The following ASAH2 variants were observed in gnomAD, a reference collection of about 807,000 sequenced individuals.
The protein encoded by ASAH2 is neutral ceramidase.
Under a neutral mutation model 82.9 loss-of-function variants are expected in ASAH2, and 58 were observed. That is an observed-to-expected ratio of 0.70 (90% CI 0.57 to 0.87). The LOEUF (loss-of-function observed/expected upper bound fraction) is 0.87, where lower values mean the gene tolerates loss of function less well. Ranked by LOEUF, ASAH2 falls within the 40% of genes least tolerant of loss-of-function variation. ASAH2 has a pLI of 0.00. For synonymous variants in ASAH2, 276 were observed against 289.7 expected (o/e 0.95, Z 0.48); for missense variants, 779 against 834.0 (o/e 0.93, Z 0.81).
chr10:50,210,594 C>G (rs1845426281), intron 12 of ASAH2, among the ~76,000 whole-genome samples: 9 of 152,034 alleles, frequency 5.9e-5, no homozygotes. Context: ...TTATATGATT[C>G]CATTTGTATT....
chr10:50,247,318 C>G lies in ASAH2; in HGVS notation c.127+1166G>C, dbSNP rs1423857229. 2.4e-5 allele frequency among the ~76,000 whole-genome samples: 2 copies of G among 84,200 alleles called. 1 individual carries two copies. The highest frequency in any genetic ancestry group is 7.6e-4 in the South Asian group (2 of 2,620). The allele number at this position is 84,200 out of a possible 152,430, so 55.2% of individuals were successfully genotyped here. A position where few individuals can be genotyped will look rare whatever the true frequency, so the allele number is the denominator to read the frequency against. ...GATTACAGGCGTGCACCACCACAAA[C>G]AGCTATTTTTTTTTTTTTTAATTTT... On this transcript the variant is annotated intron_variant, in intron 2 of 20. Coordinates refer to ENST00000682911, the MANE Select transcript of ASAH2 (RefSeq NM_019893.4).
At chr10:50,221,677 T>C (rs1461825163) in intron 7 of ASAH2, among the ~76,000 whole-genome samples, 9 of 122,234 alleles carry the variant, frequency 7.4e-5, no homozygotes, top group African/African-American at 2.7e-4. Flanking sequence ...AGATAGATGA[T>C]AGATAGATAG....
chr10:50,220,751 A>G (rs1250731005), intron 7 of ASAH2, among the ~76,000 whole-genome samples: 1 of 151,136 alleles, frequency 6.6e-6, no homozygotes, highest in Non-Finnish European at 1.5e-5. Context: ...CCAACCCGCA[A>G]ATGTACTCCT....
At chr10:50,238,899 G>A (rs1057330261) in intron 4 of ASAH2, among the ~76,000 whole-genome samples, 3 of 152,092 alleles carry the variant, frequency 2.0e-5, no homozygotes, top group African/African-American at 7.2e-5. Flanking sequence ...CCAGACATAT[G>A]GGACTTCTAG....
At chr10:50,198,075 A>G (rs1845035235) in intron 17 of ASAH2, among the ~76,000 whole-genome samples, 1 of 152,084 alleles carries the variant, frequency 6.6e-6, no homozygotes, top group Non-Finnish European at 1.5e-5. Flanking sequence ...ACACACAATC[A>G]GTAACTAATA....
At chr10:50,226,596 G>T (rs1845890766) in intron 7 of ASAH2, among the ~76,000 whole-genome samples, 1 of 152,108 alleles carries the variant, frequency 6.6e-6, no homozygotes, top group African/African-American at 2.4e-5. Flanking sequence ...GTACTACTCT[G>T]GTTGGGGATA....
At chr10:50,204,233 C>T (rs1314676549) in intron 14 of ASAH2, among the ~76,000 whole-genome samples, 1 of 151,620 alleles carries the variant, frequency 6.6e-6, no homozygotes, top group Non-Finnish European at 1.5e-5. Flanking sequence ...AATCTAGCTG[C>T]TGTGTTGAGA....
At chr10:50,216,158 G>C (rs1845594417) in intron 8 of ASAH2, among the ~76,000 whole-genome samples, 1 of 151,750 alleles carries the variant, frequency 6.6e-6, no homozygotes, top group South Asian at 2.1e-4. Flanking sequence ...GGCCTGTCAG[G>C]GGGTGGGGGG....
chr10:50,235,648 A>G (rs886993730), intron 5 of ASAH2, among the ~76,000 whole-genome samples: 14 of 152,244 alleles, frequency 9.2e-5, no homozygotes, highest in Admixed American at 7.9e-4. Context: ...GTCTGTTTAA[A>G]TAACTACATT....
intron 4 of ASAH2, chr10:50,240,599 T>C (rs1253294100): frequency 1.7e-5 from 12 of 702,064 alleles, no homozygotes; most frequent in Non-Finnish European, 2.3e-5. Flanking sequence ...TCTGCAATTA[T>C]GATAAACATA....
chr10:50,199,714 G>A (rs1297885685), intron 16 of ASAH2, among the ~76,000 whole-genome samples: 3 of 149,988 alleles, frequency 2.0e-5, no homozygotes, highest in African/African-American at 7.4e-5. Context: ...TCATCTCAGC[G>A]AATGTCATCT....
At chr10:50,194,900 TAA>T (rs1844933636) in intron 18 of ASAH2, among the ~76,000 whole-genome samples, 1 of 150,714 alleles carries the variant, frequency 6.6e-6, no homozygotes, top group African/African-American at 2.4e-5. Context: ...CAAAATTGAT[TAA>T]AGATTTAAAT....
At chr10:50,198,947 C>A in intron 17 of ASAH2, 104 bp downstream of exon 17, 1 of 1,275,346 alleles carries the variant, frequency 7.8e-7, no homozygotes, top group Non-Finnish European at 1.1e-6. Flanking sequence ...TTCTCTTTCA[C>A]TTCCCTCTGC....
At chr10:50,240,827 C>T (rs1846275222) in intron 4 of ASAH2, among the ~76,000 whole-genome samples, 1 of 152,216 alleles carries the variant, frequency 6.6e-6, no homozygotes, top group African/African-American at 2.4e-5. Context: ...ATTCCTGAAT[C>T]CCTATTGGTG....
At position 50,202,821 on chromosome 10, in the gene ASAH2, T is replaced by G. The variant is rs1405847059; in HGVS notation, c.1761+8A>C. 1 of 1,578,338 alleles carries G rather than the reference T, an allele frequency of 6.3e-7. No individual in the cohort carries two copies. Among genetic ancestry groups the G allele is most frequent in the Non-Finnish European group, 8.7e-7 (1 of 1,148,002 alleles). Reference sequence around the variant, plus strand: ...ATTCATTTAAATGATGAAAACGTTTTGCTTTACCTGGTATTCTTCATAAGT... The same window carrying G: ...ATTCATTTAAATGATGAAAACGTTTGGCTTTACCTGGTATTCTTCATAAGT... On this transcript the variant is annotated splice_region_variant and intron_variant, in intron 16 of 20. Coordinates refer to ENST00000682911, the MANE Select transcript of ASAH2 (RefSeq NM_019893.4).
intron 12 of ASAH2, among the ~76,000 whole-genome samples, chr10:50,209,752 G>T (rs1460009065): frequency 6.6e-6 from 1 of 152,086 alleles, no homozygotes; most frequent in Non-Finnish European, 1.5e-5. Context: ...TTCTCCAAGG[G>T]AGATATATAT....
In ASAH2 at chr10:50,220,981, C is replaced by A. The variant is rs1050789916; in HGVS notation, c.894-2351G>T. ...GCATTCGAAAATTTCTATGTAGTTT[C>A]TTTTTTCATGTTGGCATCCATTTTG... On this transcript the variant is annotated intron_variant, in intron 7 of 20. Transcript: ENST00000682911. 1.0e-3 allele frequency among the ~76,000 whole-genome samples: 158 copies of A among 151,328 alleles called. No homozygotes were observed. The East Asian group carries it at 0.018, about 18-fold the overall frequency.
chr10:50,235,803 G>C, intron 5 of ASAH2, 85 bp downstream of exon 5: 2 of 1,459,122 alleles, frequency 1.4e-6, no homozygotes, highest in Non-Finnish European at 1.9e-6. Flanking sequence ...AAATCCTATA[G>C]GGATTCTTTA....
rs1846061532 is a variant in ASAH2 at position 50,233,230 on chromosome 10, C to G, written c.847G>C (p.Val283Leu). The change falls in exon 7 of 21, where the codon GTT becomes CTT. Residue 283 changes from valine (V) to leucine (L), a missense_variant. Coordinates refer to ENST00000682911, the MANE Select transcript of ASAH2 (RefSeq NM_019893.4). Reference sequence around the variant, plus strand: ...CCATTCAAATCTACCATTTTCAAAACTATCATTTCCTTGTCTGTATTTGAA... The same window carrying G: ...CCATTCAAATCTACCATTTTCAAAAGTATCATTTCCTTGTCTGTATTTGAA... ...YSSNTDKEMI[V>L]LKMVDLNGDD... 2.5e-6 allele frequency: 4 copies of G among 1,611,806 alleles called. No homozygotes were observed. The highest frequency in any genetic ancestry group is 3.4e-6 in the Non-Finnish European group (4 of 1,178,252).
Sources: allele counts gnomAD v4.1 joint callset (sites outside exome capture counted in the v4.1 genomes callset), GRCh38; gene constraint gnomAD v4.1.1; transcripts MANE v1.5; gene names NCBI Gene and HGNC (gene_info 2026-07-23, HGNC 2026-07-21).